Variants in SOCS5 observed in about 807,000 individuals in gnomAD.
SOCS5 encodes CIS-6.
A neutral mutation model predicts 42.8 loss-of-function variants in SOCS5; 32 were observed. The observed-to-expected ratio is 0.75, with a 90% CI of 0.56 to 1.01. The LOEUF (loss-of-function observed/expected upper bound fraction) is 1.01. Among genes scored for constraint, SOCS5 ranks in the 50% least tolerant of loss-of-function variants. The pLI, the probability that SOCS5 is intolerant of heterozygous loss-of-function variation, is 0.00. For synonymous variants in SOCS5, 283 were observed against 229.6 expected (o/e 1.23, Z -2.10); for missense variants, 627 against 653.0 (o/e 0.96, Z 0.43).
chr2:46,722,110 A>G (rs1394872001), intron 1 of SOCS5, among the ~76,000 whole-genome samples: 1 of 151,974 alleles, frequency 6.6e-6, no homozygotes, highest in Non-Finnish European at 1.5e-5. Context: ...TCTTTTTTAC[A>G]TGGTGATATT....
intron 1 of SOCS5, among the ~76,000 whole-genome samples, chr2:46,706,908 A>T (rs980713094): frequency 1.3e-5 from 2 of 152,228 alleles, no homozygotes; most frequent in African/African-American, 4.8e-5. Context: ...AAAATATAAG[A>T]AAGTACCAAC....
chr2:46,739,848 C>T (rs1324755466), intron 1 of SOCS5, among the ~76,000 whole-genome samples: 1 of 152,150 alleles, frequency 6.6e-6, no homozygotes, highest in Non-Finnish European at 1.5e-5. Flanking sequence ...TGTGCATATA[C>T]TATTCCATTG....
chr2:46,737,683 A>G (rs987723962), intron 1 of SOCS5, among the ~76,000 whole-genome samples: 7 of 152,182 alleles, frequency 4.6e-5, no homozygotes, highest in African/African-American at 1.7e-4. Flanking sequence ...TCAGTGGTTT[A>G]AACAGAATTT....
chr2:46,710,347 A>C (rs1672590040), intron 1 of SOCS5, among the ~76,000 whole-genome samples: 1 of 152,106 alleles, frequency 6.6e-6, no homozygotes, highest in Admixed American at 6.5e-5. Context: ...GGGTTTCACC[A>C]CGTTGGTTAG....
intron 1 of SOCS5, among the ~76,000 whole-genome samples, chr2:46,753,572 GCAA>G (rs1673672140): frequency 3.3e-5 from 5 of 152,138 alleles, no homozygotes; most frequent in Admixed American, 2.6e-4. Context: ...TGGACCTTGC[GCAA>G]CAAAGAATTC....
chr2:46,733,869 G>C (rs896670866), intron 1 of SOCS5, among the ~76,000 whole-genome samples: 1 of 152,178 alleles, frequency 6.6e-6, no homozygotes, highest in Non-Finnish European at 1.5e-5. Context: ...GTAATTGAAA[G>C]CAGGAATATC....
In SOCS5 at chr2:46,719,516, G is replaced by A. The variant is rs189489445; in HGVS notation, c.-13+20067G>A. Among the ~76,000 whole-genome samples the A allele has an allele frequency of 7.9e-5, 12 of 152,156 alleles. No homozygotes were observed. The East Asian group carries it at 1.5e-3, about 20-fold the overall frequency. On this transcript the variant is annotated intron_variant, in intron 1 of 1. Transcript: ENST00000394861. ...AGTTTTGATCTTGCTTTCTCAGCCAGTGTTCCTGCCCACTTCCTTGCAGGT... is the reference window on the plus strand; with the variant it reads ...AGTTTTGATCTTGCTTTCTCAGCCAATGTTCCTGCCCACTTCCTTGCAGGT...
chr2:46,756,720 G>C (rs1673738706), intron 1 of SOCS5, among the ~76,000 whole-genome samples: 1 of 152,148 alleles, frequency 6.6e-6, no homozygotes, highest in African/African-American at 2.4e-5. Flanking sequence ...CTAGAAAGGG[G>C]CTAGGATATT....
chr2:46,728,849 G>C lies in SOCS5; in HGVS notation c.-13+29400G>C, dbSNP rs1332078188. ...TGGGATTATAGGCATGAGCCACCAC[G>C]CTGGCCAGCGATTTGTATTTCTGAC... On this transcript the variant is annotated intron_variant, in intron 1 of 1. Coordinates refer to ENST00000394861, the MANE Select transcript of SOCS5 (RefSeq NM_144949.3). 2.0e-5 allele frequency among the ~76,000 whole-genome samples: 3 copies of C among 152,116 alleles called. No individual in the cohort carries two copies. The South Asian group carries it at 6.2e-4, about 32-fold the overall frequency.
chr2:46,727,523 G>T (rs956408344), intron 1 of SOCS5, among the ~76,000 whole-genome samples: 14 of 152,132 alleles, frequency 9.2e-5, no homozygotes. Flanking sequence ...AGTCTGTTGG[G>T]TTCAACCTTC....
chr2:46,712,429 C>T (rs536286504), intron 1 of SOCS5, among the ~76,000 whole-genome samples: 23 of 151,330 alleles, frequency 1.5e-4, no homozygotes, highest in Admixed American at 7.9e-4. Context: ...CTGCAACCCC[C>T]GCCTCCTGGG....
chr2:46,701,369 T>C (rs941482315), intron 1 of SOCS5, among the ~76,000 whole-genome samples: 4 of 152,304 alleles, frequency 2.6e-5, no homozygotes, highest in South Asian at 2.1e-4. Context: ...TGTATGTGTA[T>C]GAGTCACGTT....
At chr2:46,733,077 T>G (rs1204271645) in intron 1 of SOCS5, among the ~76,000 whole-genome samples, 8 of 151,698 alleles carry the variant, frequency 5.3e-5, no homozygotes, top group Admixed American at 3.3e-4. Flanking sequence ...TTCCTATTTT[T>G]GCCCAAATTA....
chr2:46,726,571 T>G (rs551767973), intron 1 of SOCS5, among the ~76,000 whole-genome samples: 1 of 152,134 alleles, frequency 6.6e-6, no homozygotes, highest in African/African-American at 2.4e-5. Context: ...CCTTTTGATA[T>G]CCCAAAGGTT....
chr2:46,706,417 T>C (rs745578617), intron 1 of SOCS5, among the ~76,000 whole-genome samples: 9 of 152,212 alleles, frequency 5.9e-5, no homozygotes, highest in African/African-American at 1.2e-4. Context: ...TTTTACTCTT[T>C]GCTATGGTCG....
intron 1 of SOCS5, among the ~76,000 whole-genome samples, chr2:46,706,684 A>C (rs1176672644): frequency 3.9e-5 from 6 of 152,214 alleles, no homozygotes; most frequent in African/African-American, 1.4e-4. Context: ...AGAGACCTGG[A>C]TTGTTCTAGT....
chr2:46,756,355 G>C (rs1055668147), intron 1 of SOCS5, among the ~76,000 whole-genome samples: 1 of 152,110 alleles, frequency 6.6e-6, no homozygotes, highest in Admixed American at 6.5e-5. Flanking sequence ...TCTGAAAGGG[G>C]CTAGATAGAA....
In SOCS5 at chr2:46,722,985, C is replaced by A. The variant is rs796456502; in HGVS notation, c.-13+23536C>A. On this transcript the variant is annotated intron_variant, in intron 1 of 1. Transcript: ENST00000394861. ...AGTGAACTCTGTTCAAGTCTTTTGC[C>A]CATTTTTAATGGCTGTTATATGCTT... is the stretch of plus-strand genomic sequence containing the variant. Among the ~76,000 whole-genome samples, 6 of 151,904 alleles carry A rather than the reference C, an allele frequency of 3.9e-5. No individual in the cohort carries two copies. In the South Asian group the frequency reaches 1.0e-3, roughly 26 times the overall value.
At chr2:46,756,415 G>C (rs891057265) in intron 1 of SOCS5, among the ~76,000 whole-genome samples, 3 of 152,104 alleles carry the variant, frequency 2.0e-5, no homozygotes, top group African/African-American at 7.2e-5. Context: ...GATGTTCTTC[G>C]TGTGTGTATG....
Sources: gnomAD v4.1 joint callset for allele counts (sites outside exome capture counted in the v4.1 genomes callset) on GRCh38, gnomAD v4.1.1 for gene constraint, MANE v1.5 for transcripts, NCBI Gene and HGNC (gene_info 2026-07-23, HGNC 2026-07-21) for gene names.